LINGO2: variants seen among roughly 807,000 people sequenced by gnomAD.
LINGO2 encodes the protein leucine-rich repeat and immunoglobulin-like domain-containing nogo receptor-interacting protein 2.
A neutral mutation model predicts 30.6 loss-of-function variants in LINGO2; 14 were observed. The observed-to-expected ratio is 0.46, with a 90% CI of 0.30 to 0.72. The LOEUF (loss-of-function observed/expected upper bound fraction) is 0.72, where lower values mean the gene tolerates loss of function less well. Among genes scored for constraint, LINGO2 ranks in the 30% least tolerant of loss-of-function variants. The pLI is 0.07. For missense variants in LINGO2, 729 were observed against 751.7 expected (o/e 0.97, Z 0.35); for synonymous variants, 317 against 288.5 (o/e 1.10, Z -1.00).
chr9:28,886,552 T>C, the LINGO2 span, among the ~76,000 whole-genome samples: 122 of 152,292 alleles, frequency 8.0e-4, 1 homozygote, highest in South Asian at 5.8e-3. Flanking sequence ...CACTGGATTT[T>C]TGCACAAAAT....
rs112128991 is a variant in LINGO2, at chr9:27,975,652, C to T, written c.-35-24946G>A. Among the ~76,000 whole-genome samples, 5 of 151,994 alleles carry T rather than the reference C, an allele frequency of 3.3e-5. No individual in the cohort carries two copies. In the South Asian group the frequency reaches 6.2e-4, roughly 19 times the overall value. ...TTTTATGTAATGTATATAATTTTGA[C>T]GTAAATTTTGTGTAACCAAATGTAA... On this transcript the variant is annotated intron_variant, in intron 5 of 5. Transcript: ENST00000379992.
intron 4 of LINGO2, among the ~76,000 whole-genome samples, chr9:28,204,466 AT>A (rs1296653719): frequency 6.6e-6 from 1 of 152,110 alleles, no homozygotes; most frequent in Non-Finnish European, 1.5e-5. Context: ...TATCTTTTCC[AT>A]TATAGTTCCA....
the LINGO2 span, among the ~76,000 whole-genome samples, chr9:28,780,653 C>G: frequency 6.6e-6 from 1 of 152,060 alleles, no homozygotes; most frequent in Non-Finnish European, 1.5e-5. Flanking sequence ...CTTCAGATTT[C>G]TTTTTATCAT....
the LINGO2 span, among the ~76,000 whole-genome samples, chr9:29,084,379 C>T: frequency 1.3e-5 from 2 of 151,998 alleles, no homozygotes; most frequent in African/African-American, 2.4e-5. Context: ...AAAAGGAACA[C>T]CTATTCTAAT....
intron 4 of LINGO2, among the ~76,000 whole-genome samples, chr9:28,241,614 A>C (rs1454204922): frequency 6.6e-6 from 1 of 152,106 alleles, no homozygotes; most frequent in African/African-American, 2.4e-5. Flanking sequence ...CCCCATCACC[A>C]AGGGACAGCC....
intron 4 of LINGO2, among the ~76,000 whole-genome samples, chr9:28,266,649 C>T (rs568013116): frequency 3.3e-4 from 50 of 152,080 alleles, no homozygotes; most frequent in African/African-American, 1.2e-3. Context: ...ATATCGAATG[C>T]CATCCTTGAT....
At chr9:28,686,273 TGTAA>T in the LINGO2 span, among the ~76,000 whole-genome samples, 4 of 152,092 alleles carry the variant, frequency 2.6e-5, 1 homozygote, top group Admixed American at 2.6e-4. Flanking sequence ...CAGATGATTT[TGTAA>T]GGGCAATATT....
chr9:28,763,145 C>A, the LINGO2 span, among the ~76,000 whole-genome samples: 4 of 152,072 alleles, frequency 2.6e-5, no homozygotes, highest in South Asian at 8.3e-4. Flanking sequence ...TCTGAAATAA[C>A]CACTGTCAAA....
chr9:28,857,598 A>G, the LINGO2 span, among the ~76,000 whole-genome samples: 3 of 152,204 alleles, frequency 2.0e-5, no homozygotes, highest in African/African-American at 2.4e-5. Flanking sequence ...AGCTAGACAC[A>G]TAAGGATCTA....
intron 5 of LINGO2, among the ~76,000 whole-genome samples, chr9:27,964,905 TA>T (rs2118645924): frequency 6.6e-6 from 1 of 152,222 alleles, no homozygotes; most frequent in African/African-American, 2.4e-5. Context: ...GGCCTTGTTA[TA>T]AAGTATGTAT....
chr9:28,701,794 T>C, the LINGO2 span, among the ~76,000 whole-genome samples: 3 of 152,002 alleles, frequency 2.0e-5, no homozygotes, highest in Non-Finnish European at 4.4e-5. Context: ...CTCCATTTGG[T>C]ACTTCTTTGA....
intron 4 of LINGO2, among the ~76,000 whole-genome samples, chr9:28,225,862 C>G (rs1324536615): frequency 6.6e-6 from 1 of 151,980 alleles, no homozygotes; most frequent in East Asian, 1.9e-4. Context: ...AATGAAAATT[C>G]CATAAGATTG....
At chr9:28,029,562 C>T (rs1354765539) in intron 4 of LINGO2, among the ~76,000 whole-genome samples, 1 of 151,956 alleles carries the variant, frequency 6.6e-6, no homozygotes, top group Non-Finnish European at 1.5e-5. Context: ...AAAGGAACCA[C>T]ATTTATATCC....
At chr9:28,169,148 C>G (rs1004746173) in intron 4 of LINGO2, among the ~76,000 whole-genome samples, 7 of 152,092 alleles carry the variant, frequency 4.6e-5, no homozygotes, top group Non-Finnish European at 8.8e-5. Flanking sequence ...GGTGTGGAGA[C>G]TTTTATTATT....
the LINGO2 span, among the ~76,000 whole-genome samples, chr9:28,798,276 G>A: frequency 2.0e-5 from 3 of 150,940 alleles, no homozygotes; most frequent in African/African-American, 2.4e-5. Context: ...TAGTAGGATG[G>A]AAAAAAAAAC....
chr9:28,506,293 A>G (rs1015829865), intron 1 of LINGO2, among the ~76,000 whole-genome samples: 3 of 150,652 alleles, frequency 2.0e-5, no homozygotes, highest in Non-Finnish European at 4.4e-5. Flanking sequence ...ATTATACTCT[A>G]TTTGACGATG....
intron 4 of LINGO2, among the ~76,000 whole-genome samples, chr9:28,171,439 AAGGT>A (rs1362973603): frequency 6.6e-6 from 1 of 152,160 alleles, no homozygotes; most frequent in East Asian, 1.9e-4. Flanking sequence ...TCACTTCCAC[AAGGT>A]CCTTCATCAA....
the LINGO2 span, among the ~76,000 whole-genome samples, chr9:29,117,112 G>A: frequency 6.6e-6 from 1 of 152,170 alleles, no homozygotes; most frequent in Non-Finnish European, 1.5e-5. Flanking sequence ...CTGGCACAAA[G>A]TAGGAACTTC....
intron 4 of LINGO2, among the ~76,000 whole-genome samples, chr9:28,189,369 AAGGGAGGG>A (rs1819684927): frequency 1.6e-4 from 2 of 12,212 alleles, no homozygotes; most frequent in Non-Finnish European, 1.5e-4. Context: ...GGGAGGGAGG[AAGGGAGGG>A]AGGAAGGAAG....
Sources: allele counts gnomAD v4.1 joint callset (sites outside exome capture counted in the v4.1 genomes callset), GRCh38; gene constraint gnomAD v4.1.1; transcripts MANE v1.5; gene names NCBI Gene and HGNC (gene_info 2026-07-23, HGNC 2026-07-21).